The following HSPH1 variants were observed in gnomAD, a reference collection of about 807,000 sequenced individuals.
HSPH1 encodes heat shock protein 105 kDa.
Under a neutral mutation model 100.0 loss-of-function variants are expected in HSPH1, and 40 were observed. The ratio of observed to expected loss-of-function variants is 0.40; its 90% CI spans 0.31 to 0.52. The LOEUF is 0.52. Ranked by LOEUF, HSPH1 falls within the 20% of genes least tolerant of loss-of-function variation. The pLI is 0.54. For synonymous variants in HSPH1, 403 were observed against 344.0 expected, an observed-to-expected ratio of 1.17 and a Z score of -1.90; for missense variants, 876 against 1,015.1, an observed-to-expected ratio of 0.86 and a Z score of 1.86.
At position 31,148,181 on chromosome 13, in the gene HSPH1, T is replaced by C; in HGVS notation, c.1245-89A>G. On this transcript the variant is annotated intron_variant, in intron 9 of 17. Coordinates refer to ENST00000320027, the MANE Select transcript of HSPH1 (RefSeq NM_006644.4). ...CAAACAGAAAAGAGGCTTTCTAAAA[T>C]CTTTATCAATTCTATCTCATCATTT... 3 of 1,342,824 alleles carry C rather than the reference T, an allele frequency of 2.2e-6. No homozygotes were observed. The African/African-American group carries it at 4.5e-5, about 20-fold the overall frequency. The allele number at this position is 1,342,824 out of a possible 1,614,324, so 83.2% of individuals were successfully genotyped here.
chr13:31,159,502 G>A (rs755151479), intron 1 of HSPH1, among the ~76,000 whole-genome samples: 7 of 152,210 alleles, frequency 4.6e-5, no homozygotes, highest in Non-Finnish European at 1.0e-4. Context: ...GTTTTGAAGA[G>A]ATGGAAAGTG....
rs547032711 is a variant in HSPH1, at chr13:31,142,884, A to G, written c.1716+908T>C. 5.3e-5 allele frequency among the ~76,000 whole-genome samples: 8 copies of G among 152,212 alleles called. No individual in the cohort carries two copies. In the East Asian group the frequency reaches 1.4e-3, roughly 26 times the overall value. ...TTTTCCAAATAACCACCATCATCAC[A>G]CAACTTAACAGTAGAAAACAGAGAG... is the stretch of plus-strand genomic sequence containing the variant. On this transcript the variant is annotated intron_variant, in intron 12 of 17. Coordinates refer to ENST00000320027, the MANE Select transcript of HSPH1 (RefSeq NM_006644.4).
rs1366487092 is a variant in HSPH1, at chr13:31,136,304, A to G, written c.*1014T>C. 6.6e-6 allele frequency: 1 copy of G among 152,232 alleles called. No homozygotes were observed. 9.4% of individuals were successfully genotyped at this position (152,232 alleles called of 1,614,324 possible). On this transcript the variant is annotated 3_prime_UTR_variant, in exon 18 of 18. Transcript: ENST00000320027. ...TCCCTGGCACAGAGTTTTTAAAAAC[A>G]GCCTACAGCACTATAACATAGACAC...
In HSPH1 at chr13:31,136,781, G is replaced by A. The variant is rs940419023; in HGVS notation, c.*537C>T. Reference sequence around the variant, plus strand: ...GTTTAAAGTTTTTGTTCTGCATGCTGCTAACACATTTGACTAGCTTTTGTT... The same window carrying A: ...GTTTAAAGTTTTTGTTCTGCATGCTACTAACACATTTGACTAGCTTTTGTT... On this transcript the variant is annotated 3_prime_UTR_variant, in exon 18 of 18. Coordinates refer to ENST00000320027, the MANE Select transcript of HSPH1 (RefSeq NM_006644.4). 3.0e-4 allele frequency: 55 copies of A among 185,264 alleles called. No homozygotes were observed. The highest frequency in any genetic ancestry group is 1.3e-3 in the African/African-American group (55 of 41,734). The allele number at this position is 185,264 out of a possible 1,614,324, so 11.5% of individuals were successfully genotyped here. A position where few individuals can be genotyped will look rare whatever the true frequency, so the allele number is the denominator to read the frequency against.
chr13:31,160,750 A>G (rs113928561), intron 1 of HSPH1, among the ~76,000 whole-genome samples: 256 of 152,348 alleles, frequency 1.7e-3, no homozygotes, highest in African/African-American at 5.7e-3. Context: ...AATTTTAAAA[A>G]TACGGTTTAC....
chr13:31,162,087 G>A (rs769822162), upstream of HSPH1: 165 of 1,536,002 alleles, frequency 1.1e-4, no homozygotes, highest in Non-Finnish European at 1.2e-4. Flanking sequence ...AACGGCCGCC[G>A]TTGCCATGGC....
chr13:31,150,797 T>C, intron 7 of HSPH1, 150 bp downstream of exon 7: 3 of 722,802 alleles, frequency 4.2e-6, no homozygotes, highest in Non-Finnish European at 6.7e-6. Context: ...CTAGAGCTAG[T>C]GGTGATAAAC....
intron 17 of HSPH1, 70 bp from the exon 18 acceptor site, chr13:31,137,594 C>T: frequency 1.9e-6 from 2 of 1,061,812 alleles, no homozygotes; most frequent in Non-Finnish European, 1.4e-6. Context: ...TGCTTCTCCA[C>T]ATACTCAACC....
rs1956328935 is a variant in HSPH1 at position 31,147,984 on chromosome 13, T to C, written c.1353A>G (p.Gly451=). 1 of 1,598,270 alleles carries C rather than the reference T, an allele frequency of 6.3e-7. No homozygotes were observed. Among genetic ancestry groups the C allele is most frequent in the Non-Finnish European group, 8.5e-7 (1 of 1,175,876 alleles). ...ELEAFYSDPQ[G]VPYPEAKIGR... ...CTATTTTTGCTTCTGGATATGGAAC[T>C]CCTTGGGGATCAGAATAGAAAGCTT... Residue 451 remains glycine (G), a synonymous_variant, in exon 10 of 18, where the codon GGA becomes GGG. Transcript: ENST00000320027.
chr13:31,148,253 A>G (rs1205423795), intron 9 of HSPH1, 121 bp downstream of exon 9: 1 of 1,029,162 alleles, frequency 9.7e-7, no homozygotes, highest in Non-Finnish European at 1.5e-6. Flanking sequence ...GGTTGTTCAA[A>G]GATTCCAGGT....
Position 31,154,662 on chromosome 13 carries a change from T to G in HSPH1, c.400A>C (p.Lys134Gln). The G allele has an allele frequency of 1.9e-6, 3 of 1,614,130 alleles. No individual in the cohort carries two copies. Among genetic ancestry groups the G allele is most frequent in the Non-Finnish European group, 2.5e-6 (3 of 1,179,970 alleles). Residue 134 changes from lysine to glutamine, a missense_variant, in exon 4 of 18, where the codon AAG (lysine) becomes CAG (glutamine). Transcript: ENST00000320027. Reference protein sequence around the residue: ...KLKETAENSLKKPVTDCVISV... With the variant: ...KLKETAENSLQKPVTDCVISV... ...ATAACACAATCTGTTACTGGTTTCT[T>G]GAGGCTGTTTTCAGCAGTTTCCTTC... is the stretch of plus-strand genomic sequence containing the variant.
chr13:31,144,431 TG>T (rs1956201586), intron 11 of HSPH1, among the ~76,000 whole-genome samples: 2 of 152,224 alleles, frequency 1.3e-5, no homozygotes, highest in Non-Finnish European at 1.5e-5. Flanking sequence ...AGACTCACTC[TG>T]TCCCCACTTT....
chr13:31,159,824 G>A (rs1414280570), intron 1 of HSPH1, among the ~76,000 whole-genome samples: 2 of 152,126 alleles, frequency 1.3e-5, no homozygotes, highest in Non-Finnish European at 2.9e-5. Flanking sequence ...CTGAGCAAGT[G>A]TTAAATAAAA....
chr13:31,140,395 A>T (rs1175725739), intron 13 of HSPH1, 86 bp from the exon 14 acceptor site: 1 of 1,314,236 alleles, frequency 7.6e-7, no homozygotes, highest in African/African-American at 1.5e-5. Context: ...GTTTAAAAAA[A>T]ATGATACAAA....
chr13:31,137,421 T>C lies in HSPH1; in HGVS notation c.2474A>G (p.Glu825Gly), dbSNP rs763383146. The C allele has an allele frequency of 1.2e-6, 2 of 1,613,562 alleles. No homozygotes were observed. The highest frequency in any genetic ancestry group is 1.1e-5 in the South Asian group (1 of 91,026). ...TPNGPNIDKK[E>G]EDLEDKNNFG... The stretch of plus-strand genomic sequence containing the variant: ...ATTGTTTTTGTCTTCTAAATCTTCT[T>C]CCTTTTTATCAATATTTGGGCCATT... The change falls in exon 18 of 18, where the codon GAA (glutamate) becomes GGA (glycine). Residue 825 changes from glutamate (E) to glycine (G), a missense_variant. Transcript: ENST00000320027.
In HSPH1 at chr13:31,141,446, A is replaced by G. The variant is rs1315171733; in HGVS notation, c.1717-187T>C. The stretch of plus-strand genomic sequence containing the variant: ...AATCAGGGCTGCTATTAAATATGCC[A>G]TACCTTCCTTCAGGAATTCACTGGG... On this transcript the variant is annotated intron_variant, in intron 12 of 17. Coordinates refer to ENST00000320027, the MANE Select transcript of HSPH1 (RefSeq NM_006644.4). Among the ~76,000 whole-genome samples the G allele has an allele frequency of 2.0e-5, 3 of 152,050 alleles. No individual in the cohort carries two copies. The East Asian group carries it at 5.8e-4, about 29-fold the overall frequency.
chr13:31,140,434 C>T (rs1956048101), intron 13 of HSPH1, 125 bp from the exon 14 acceptor site: 1 of 706,288 alleles, frequency 1.4e-6, no homozygotes, highest in Non-Finnish European at 2.2e-6. Context: ...ACAGTTCCAA[C>T]TTATACCTTG....
intron 11 of HSPH1, 123 bp from the exon 12 acceptor site, chr13:31,144,046 G>T (rs1484562911): frequency 2.5e-6 from 2 of 791,148 alleles, no homozygotes; most frequent in African/African-American, 1.8e-5. Context: ...GGGGAGAAAA[G>T]GTACTGGATA....
At chr13:31,147,860 C>T in intron 10 of HSPH1, 99 bp downstream of exon 10, 1 of 997,234 alleles carries the variant, frequency 1.0e-6, no homozygotes, top group Non-Finnish European at 1.4e-6. Flanking sequence ...ATGTTCCCCT[C>T]AACATTACTA....
Sources: allele counts gnomAD v4.1 joint callset (sites outside exome capture counted in the v4.1 genomes callset), GRCh38; gene constraint gnomAD v4.1.1; transcripts MANE v1.5; gene names NCBI Gene and HGNC (gene_info 2026-07-23, HGNC 2026-07-21).